SOX30: variants seen among roughly 807,000 people sequenced by gnomAD.
SOX30 encodes SRY-box transcription factor 30, also known as transcription factor SOX-30.
In SOX30, 17 loss-of-function variants were observed where a neutral mutation model predicts 58.6. The ratio of observed to expected loss-of-function variants is 0.29; its 90% CI spans 0.20 to 0.44. SOX30 has a LOEUF of 0.44. Ranked by LOEUF, SOX30 falls within the 20% of genes least tolerant of loss-of-function variation. SOX30 has a pLI of 1.00. For synonymous variants in SOX30, 421 were observed against 400.2 expected (o/e 1.05, Z -0.62); for missense variants, 951 against 965.8 (o/e 0.98, Z 0.20).
At chr5:157,667,091 G>T (rs1581410914) in intron 2 of SOX30, among the ~76,000 whole-genome samples, 1 of 152,312 alleles carries the variant, frequency 6.6e-6, no homozygotes, top group East Asian at 1.9e-4. Flanking sequence ...CCCACTCTGG[G>T]ATGGATAGGC....
Position 157,638,369 on chromosome 5 carries a change from G to C in SOX30, c.1741C>G (p.Pro581Ala), listed in dbSNP as rs1371961700. The C allele has an allele frequency of 1.2e-6, 2 of 1,613,812 alleles. No individual in the cohort carries two copies. The highest frequency in any genetic ancestry group is 1.7e-6 in the Non-Finnish European group (2 of 1,179,856). The change falls in exon 4 of 5, where the codon CCC (proline) becomes GCC (alanine). Residue 581 changes from proline to alanine, a missense_variant. Coordinates refer to ENST00000265007, the MANE Select transcript of SOX30 (RefSeq NM_178424.2). ...GGGTGTGGAATGGGAGAAGCCTGGGGGATTGGAGCACTTCTGGGACAAGGG... is the reference window on the plus strand; with the variant it reads ...GGGTGTGGAATGGGAGAAGCCTGGGCGATTGGAGCACTTCTGGGACAAGGG... ...VSPCPRSAPI[P>A]QASPIPHPHV...
intron 3 of SOX30, among the ~76,000 whole-genome samples, chr5:157,643,257 T>C (rs1759113433): frequency 2.0e-5 from 3 of 151,916 alleles, no homozygotes; most frequent in Admixed American, 6.6e-5. Context: ...GAAACCCTAC[T>C]AAAACTACAA....
chr5:157,626,814 G>A (rs1376827339), intron 4 of SOX30, 93 bp from the exon 5 acceptor site: 3 of 1,398,322 alleles, frequency 2.1e-6, no homozygotes, highest in African/African-American at 2.9e-5. Context: ...TCCTCTTTGG[G>A]GTTTGGAAAG....
chr5:157,651,287 G>T lies in SOX30; in HGVS notation c.792C>A (p.Leu264=), dbSNP rs1759326231. The T allele has an allele frequency of 1.2e-6, 2 of 1,614,042 alleles. No individual in the cohort carries two copies. The highest frequency in any genetic ancestry group is 2.7e-5 in the African/African-American group (2 of 74,948). ...HQQDLRIPLT[L]HTVPPGARIQ... is the part of the protein sequence containing the mutation. ...TCCGGGCCCCAGGGGGGACCGTGTG[G>T]AGCGTCAAAGGGATCCTAAGGTCTT... Residue 264 remains leucine (L), a synonymous_variant, in exon 1 of 5, where the codon CTC becomes CTA. Transcript: ENST00000265007.
chr5:157,635,994 C>T (rs1424305625), intron 4 of SOX30, among the ~76,000 whole-genome samples: 4 of 152,156 alleles, frequency 2.6e-5, no homozygotes, highest in Non-Finnish European at 4.4e-5. Context: ...CACTGTACAA[C>T]CTTGATGAGG....
chr5:157,665,600 A>T (rs1561591400), intron 2 of SOX30, among the ~76,000 whole-genome samples: 1 of 149,008 alleles, frequency 6.7e-6, no homozygotes, highest in East Asian at 1.9e-4. Context: ...AAGTATAATA[A>T]AAAATAAAAT....
chr5:157,669,460 T>C (rs1759732225), intron 1 of SOX30, among the ~76,000 whole-genome samples: 1 of 152,042 alleles, frequency 6.6e-6, no homozygotes, highest in Non-Finnish European at 1.5e-5. Flanking sequence ...GTTGGGATTA[T>C]AGGTGTGAGC....
At chr5:157,666,400 TC>T (rs1759671799) in intron 2 of SOX30, among the ~76,000 whole-genome samples, 1 of 150,924 alleles carries the variant, frequency 6.6e-6, no homozygotes, top group African/African-American at 2.4e-5. Context: ...GCTCAAGAGA[TC>T]CTCCCCTCTC....
chr5:157,643,940 A>G (rs923028171), intron 3 of SOX30, among the ~76,000 whole-genome samples: 4 of 152,210 alleles, frequency 2.6e-5, no homozygotes, highest in African/African-American at 9.6e-5. Flanking sequence ...TTAAATATAC[A>G]GTGAAATTTC....
At chr5:157,629,559 T>G (rs999885249) in intron 4 of SOX30, among the ~76,000 whole-genome samples, 3 of 152,150 alleles carry the variant, frequency 2.0e-5, no homozygotes, top group Non-Finnish European at 4.4e-5. Context: ...TCCTAGAAGG[T>G]TACATGAGTG....
intron 3 of SOX30, among the ~76,000 whole-genome samples, chr5:157,640,995 C>T (rs2113841035): frequency 6.6e-6 from 1 of 152,300 alleles, no homozygotes; most frequent in Admixed American, 6.5e-5. Context: ...CAGGCATAAG[C>T]CCTAACAACC....
intron 4 of SOX30, among the ~76,000 whole-genome samples, chr5:157,634,935 A>G (rs914365134): frequency 2.0e-5 from 3 of 152,262 alleles, no homozygotes; most frequent in African/African-American, 7.2e-5. Context: ...GGCGTGAGCC[A>G]CTGCATCTGC....
intron 3 of SOX30, among the ~76,000 whole-genome samples, chr5:157,645,655 C>T (rs974078187): frequency 6.7e-6 from 1 of 149,720 alleles, no homozygotes; most frequent in Non-Finnish European, 1.5e-5. Flanking sequence ...GAGTGAGACC[C>T]TGTCTGGAAA....
At chr5:157,649,800 T>G (rs986348540) in intron 1 of SOX30, among the ~76,000 whole-genome samples, 2 of 152,060 alleles carry the variant, frequency 1.3e-5, no homozygotes, top group African/African-American at 4.8e-5. Context: ...AAAAAAATAA[T>G]TTTTTGAAAG....
chr5:157,662,038 T>C (rs1207953080), intron 2 of SOX30, among the ~76,000 whole-genome samples: 1 of 152,230 alleles, frequency 6.6e-6, no homozygotes, highest in African/African-American at 2.4e-5. Context: ...TTTTCACTGA[T>C]ATATATCTAT....
chr5:157,655,039 G>A (rs1435018214), upstream of SOX30, among the ~76,000 whole-genome samples: 3 of 152,076 alleles, frequency 2.0e-5, no homozygotes, highest in Non-Finnish European at 4.4e-5. Flanking sequence ...TTCCTTGTGC[G>A]AGATCCAAGA....
chr5:157,627,072 G>T (rs17054782), intron 4 of SOX30, among the ~76,000 whole-genome samples: 13,763 of 152,260 alleles, frequency 0.09, 718 homozygotes, highest in Middle Eastern at 0.15. Flanking sequence ...GCTAAGAATT[G>T]ACACTCAGTG....
chr5:157,652,145 C>G lies in SOX30; in HGVS notation c.-67G>C, dbSNP rs1185899590. ...TTTGTTGGCGACCTTCCCCCTCCCC[C>G]TTTCGGTTAAGAGCCTTGCAAGGCC... On this transcript the variant is annotated 5_prime_UTR_variant, in exon 1 of 5. Transcript: ENST00000265007. 44 of 1,381,202 alleles carry G rather than the reference C, an allele frequency of 3.2e-5. No homozygotes were observed. In the South Asian group the frequency reaches 5.1e-4, roughly 16 times the overall value. 85.6% of individuals were successfully genotyped at this position (1,381,202 alleles called of 1,614,324 possible).
chr5:157,652,397 G>C lies in SOX30; in HGVS notation c.-319C>G, dbSNP rs1296078120. 4.6e-6 allele frequency: 5 copies of C among 1,082,930 alleles called. No individual in the cohort carries two copies. Among genetic ancestry groups the C allele is most frequent in the African/African-American group, 1.6e-5 (1 of 60,688 alleles). 67.1% of individuals were successfully genotyped at this position (1,082,930 alleles called of 1,614,324 possible). ...TCTCTTGTGGAGTTCTCTTACAGCCGTTGTCTTTAGTCATCCCTCCCCCAC... is the reference window on the plus strand; with the variant it reads ...TCTCTTGTGGAGTTCTCTTACAGCCCTTGTCTTTAGTCATCCCTCCCCCAC... On this transcript the variant is annotated 5_prime_UTR_variant, in exon 1 of 5. Transcript: ENST00000265007.
Sources: gnomAD v4.1 joint callset for allele counts (sites outside exome capture counted in the v4.1 genomes callset) on GRCh38, gnomAD v4.1.1 for gene constraint, MANE v1.5 for transcripts, NCBI Gene and HGNC (gene_info 2026-07-23, HGNC 2026-07-21) for gene names.